Variants in PRKG1 observed in about 807,000 individuals in gnomAD.
PRKG1 encodes protein kinase cGMP-dependent 1.
A neutral mutation model predicts 88.1 loss-of-function variants in PRKG1; 35 were observed. The observed-to-expected ratio is 0.40, with a 90% CI of 0.30 to 0.53. PRKG1 has a LOEUF of 0.53. PRKG1 is among the 20% of genes least tolerant of loss of function. PRKG1 has a pLI of 0.59. For missense variants in PRKG1, 540 were observed against 839.8 expected, an observed-to-expected ratio of 0.64 and a Z score of 4.41; for synonymous variants, 303 against 292.5, an observed-to-expected ratio of 1.04 and a Z score of -0.37.
At chr10:51,666,739 C>T (rs1255879385) in intron 3 of PRKG1, among the ~76,000 whole-genome samples, 1 of 152,078 alleles carries the variant, frequency 6.6e-6, no homozygotes, top group East Asian at 1.9e-4. Flanking sequence ...TCTTTAAAAG[C>T]AATTGTTAAA....
chr10:51,890,878 C>T (rs781077827), intron 4 of PRKG1, among the ~76,000 whole-genome samples: 3 of 152,172 alleles, frequency 2.0e-5, no homozygotes, highest in Non-Finnish European at 2.9e-5. Flanking sequence ...ATCACTTGAA[C>T]CTGGGAGGTG....
At chr10:51,824,066 C>A (rs889909424) in intron 4 of PRKG1, among the ~76,000 whole-genome samples, 2 of 151,734 alleles carry the variant, frequency 1.3e-5, no homozygotes, top group African/African-American at 4.8e-5. Flanking sequence ...TAGAGATGAG[C>A]TTTTGCCATG....
chr10:52,055,885 A>G (rs1273046023), intron 6 of PRKG1, among the ~76,000 whole-genome samples: 2 of 152,224 alleles, frequency 1.3e-5, no homozygotes, highest in African/African-American at 4.8e-5. Flanking sequence ...AATAGAATGC[A>G]GTGGAAGATT....
At chr10:51,647,996 C>G (rs958939612) in intron 3 of PRKG1, among the ~76,000 whole-genome samples, 1 of 151,124 alleles carries the variant, frequency 6.6e-6, no homozygotes, top group African/African-American at 2.4e-5. Context: ...ATCATTTTTC[C>G]TTTTAGGTTA....
intron 2 of PRKG1, among the ~76,000 whole-genome samples, chr10:51,294,180 T>C (rs1362831766): frequency 6.6e-6 from 1 of 152,160 alleles, no homozygotes; most frequent in Non-Finnish European, 1.5e-5. Context: ...CTTTTTATTC[T>C]ATTGATTGTT....
At chr10:51,268,095 C>A (rs1331341485) in intron 2 of PRKG1, among the ~76,000 whole-genome samples, 1 of 152,086 alleles carries the variant, frequency 6.6e-6, no homozygotes, top group Non-Finnish European at 1.5e-5. Flanking sequence ...TTCCGTGATG[C>A]CCCACAAGCC....
chr10:51,146,069 G>A (rs573887468), intron 1 of PRKG1, among the ~76,000 whole-genome samples: 3 of 151,900 alleles, frequency 2.0e-5, no homozygotes, highest in Non-Finnish European at 4.4e-5. Context: ...GGTGCCTGCA[G>A]CCCCAGCTAC....
intron 12 of PRKG1, among the ~76,000 whole-genome samples, chr10:52,273,104 T>A (rs1199138311): frequency 1.3e-5 from 2 of 152,090 alleles, no homozygotes; most frequent in African/African-American, 4.8e-5. Flanking sequence ...TTTGTCTACA[T>A]GGTGCTTGTT....
At chr10:51,787,836 A>G (rs559624317) in intron 3 of PRKG1, among the ~76,000 whole-genome samples, 1 of 152,330 alleles carries the variant, frequency 6.6e-6, no homozygotes, top group Non-Finnish European at 1.5e-5. Flanking sequence ...ATCAACCTTC[A>G]GAATAACTCA....
At chr10:51,545,179 A>C (rs750300868) in intron 3 of PRKG1, among the ~76,000 whole-genome samples, 22 of 152,128 alleles carry the variant, frequency 1.4e-4, no homozygotes, top group Non-Finnish European at 2.8e-4. Flanking sequence ...AAAAAATTGT[A>C]GACAATCTAC....
intron 3 of PRKG1, among the ~76,000 whole-genome samples, chr10:51,576,576 A>T (rs1564557494): frequency 6.6e-6 from 1 of 151,942 alleles, no homozygotes; most frequent in Non-Finnish European, 1.5e-5. Flanking sequence ...AAATCCTAAT[A>T]ATGGGAATAG....
chr10:51,020,338 A>G (rs186798215), intron 1 of PRKG1, among the ~76,000 whole-genome samples: 2 of 152,256 alleles, frequency 1.3e-5, no homozygotes, highest in Admixed American at 1.3e-4. Context: ...TATATTCCCC[A>G]AAGAATTGAA....
At chr10:51,304,954 C>T (rs1456357553) in intron 2 of PRKG1, among the ~76,000 whole-genome samples, 1 of 152,102 alleles carries the variant, frequency 6.6e-6, no homozygotes, top group African/African-American at 2.4e-5. Context: ...GCTAGTGCTT[C>T]AACCCAGGGC....
chr10:52,005,128 T>G (rs2133157445), intron 5 of PRKG1, among the ~76,000 whole-genome samples: 1 of 152,262 alleles, frequency 6.6e-6, no homozygotes, highest in Non-Finnish European at 1.5e-5. Context: ...TTCTATACCC[T>G]GAAGCTTGCC....
chr10:52,198,991 A>C (rs537898096), intron 9 of PRKG1, among the ~76,000 whole-genome samples: 22 of 152,242 alleles, frequency 1.4e-4, no homozygotes, highest in African/African-American at 5.1e-4. Flanking sequence ...ACTGCGTATC[A>C]TGGCCACTTT....
chr10:51,103,604 A>G (rs4303185), intron 1 of PRKG1, among the ~76,000 whole-genome samples: 116,235 of 152,044 alleles, frequency 0.76, 45,020 homozygotes, highest in East Asian at 0.86. Flanking sequence ...AAGGATGTGC[A>G]TCACCAAATA....
chr10:52,002,901 G>A (rs1194071061), intron 5 of PRKG1, among the ~76,000 whole-genome samples: 1 of 152,166 alleles, frequency 6.6e-6, no homozygotes, highest in Non-Finnish European at 1.5e-5. Context: ...TCCAGCAAAA[G>A]TGTGAGAGTA....
chr10:51,784,550 G>A (rs1221212509), intron 3 of PRKG1, among the ~76,000 whole-genome samples: 1 of 151,998 alleles, frequency 6.6e-6, no homozygotes, highest in Non-Finnish European at 1.5e-5. Flanking sequence ...ACTTGTTTAA[G>A]AAAAAAATCA....
At chr10:51,749,533 C>G (rs1564632056) in intron 3 of PRKG1, among the ~76,000 whole-genome samples, 5 of 152,184 alleles carry the variant, frequency 3.3e-5, no homozygotes, top group Non-Finnish European at 7.4e-5. Flanking sequence ...TGGCATTTAA[C>G]CCTTAATTAC....
Sources: allele counts gnomAD v4.1 joint callset (sites outside exome capture counted in the v4.1 genomes callset), GRCh38; gene constraint gnomAD v4.1.1; transcripts MANE v1.5; gene names NCBI Gene and HGNC (gene_info 2026-07-23, HGNC 2026-07-21).